Variants in OTUD7A observed in about 807,000 individuals in gnomAD.
The protein encoded by OTUD7A is OTU domain-containing protein 7A.
Under a neutral mutation model 65.7 loss-of-function variants are expected in OTUD7A, and 12 were observed. The ratio of observed to expected loss-of-function variants is 0.18; its 90% CI spans 0.12 to 0.30. The LOEUF is 0.30. Ranked by LOEUF, OTUD7A falls within the 10% of genes least tolerant of loss-of-function variation. The pLI is 1.00. For missense variants in OTUD7A, 1,148 were observed against 1,304.8 expected (o/e 0.88, Z 1.85); for synonymous variants, 641 against 586.3 (o/e 1.09, Z -1.35).
At chr15:31,506,647 C>T (rs1382271396) in intron 8 of OTUD7A, among the ~76,000 whole-genome samples, 1 of 152,106 alleles carries the variant, frequency 6.6e-6, no homozygotes, top group East Asian at 1.9e-4. Flanking sequence ...CATATATTTG[C>T]TTGGGGATGG....
intron 5 of OTUD7A, among the ~76,000 whole-genome samples, chr15:31,553,794 G>C (rs551483719): frequency 2.6e-5 from 4 of 151,818 alleles, no homozygotes; most frequent in African/African-American, 9.7e-5. Flanking sequence ...CCTGCCAGCC[G>C]TCTCTCTCTG....
At chr15:31,827,986 G>A (rs1896839299) in intron 1 of OTUD7A, among the ~76,000 whole-genome samples, 1 of 151,990 alleles carries the variant, frequency 6.6e-6, no homozygotes, top group Non-Finnish European at 1.5e-5. Flanking sequence ...TTCCTTTTGT[G>A]TGGTCCTATC....
intron 1 of OTUD7A, among the ~76,000 whole-genome samples, chr15:31,805,865 A>T (rs952373020): frequency 6.6e-6 from 1 of 152,198 alleles, no homozygotes; most frequent in African/African-American, 2.4e-5. Flanking sequence ...ATTAAAATGT[A>T]CTCTCAGCAA....
At chr15:31,619,007 C>G (rs568486888) in intron 3 of OTUD7A, among the ~76,000 whole-genome samples, 1 of 152,206 alleles carries the variant, frequency 6.6e-6, no homozygotes, top group African/African-American at 2.4e-5. Flanking sequence ...AGCCAGTTTT[C>G]CCAGCACCAT....
chr15:31,848,042 G>A (rs561000001), intron 1 of OTUD7A, among the ~76,000 whole-genome samples: 15 of 152,288 alleles, frequency 9.8e-5, no homozygotes, highest in African/African-American at 3.6e-4. Flanking sequence ...ATGAGATTGG[G>A]GAGGGGACAC....
intron 3 of OTUD7A, among the ~76,000 whole-genome samples, chr15:31,576,401 C>T (rs887879289): frequency 2.0e-5 from 3 of 152,140 alleles, no homozygotes; most frequent in African/African-American, 7.2e-5. Context: ...AGTGATTATT[C>T]CTCTACCTGC....
chr15:31,484,642 C>T lies in OTUD7A; in HGVS notation c.1454G>A (p.Arg485His), dbSNP rs1229177010. ...GTTAGAATTGCTGCACACCGAATCG[C>T]GGTCCGAGTCCAGCGAGTCGGCCAG... is the stretch of plus-strand genomic sequence containing the variant. ...QSLADSLDSD[R>H]DSVCSNSNSN... Residue 485 changes from arginine to histidine, a missense_variant, in exon 13 of 13, where the codon CGC becomes CAC. By Grantham distance (29) the Arg-to-His change is conservative. Transcript: ENST00000307050. The surrounding 1 kb of genome is among the most constrained non-coding windows in gnomAD (Gnocchi z 4.5). 11 of 1,587,280 alleles carry T rather than the reference C, an allele frequency of 6.9e-6. No individual in the cohort carries two copies. The Admixed American group carries it at 7.1e-5, about 10-fold the overall frequency.
Position 31,477,778 on chromosome 15 carries a change from T to C in OTUD7A, c.*5516A>G, listed in dbSNP as rs1369890777. On this transcript the variant is annotated 3_prime_UTR_variant, in exon 13 of 13. Coordinates refer to ENST00000307050, the MANE Select transcript of OTUD7A (RefSeq NM_001382637.1). ...TAAAAGTTCCTGCCCACATGGAGCT[T>C]ACAGTCTATGGGAGATGGGGAGGCG... The C allele has an allele frequency of 4.0e-5, 6 of 151,294 alleles. No individual in the cohort carries two copies. Among genetic ancestry groups the C allele is most frequent in the Non-Finnish European group, 8.8e-5 (6 of 67,970 alleles). The allele number at this position is 151,294 out of a possible 1,614,324, so 9.4% of individuals were successfully genotyped here. A position where few individuals can be genotyped will look rare whatever the true frequency, so the allele number is the denominator to read the frequency against.
chr15:31,512,873 T>G (rs1397196544), intron 8 of OTUD7A, among the ~76,000 whole-genome samples: 1 of 152,244 alleles, frequency 6.6e-6, no homozygotes, highest in Admixed American at 6.5e-5. Flanking sequence ...TTAAGAATGT[T>G]AGCACAGGTC....
chr15:31,552,209 A>C (rs1888347608), intron 5 of OTUD7A, among the ~76,000 whole-genome samples: 2 of 152,194 alleles, frequency 1.3e-5, no homozygotes, highest in Admixed American at 1.3e-4. Context: ...CTTCACCAGA[A>C]GCAGATGCTG....
At chr15:31,798,214 T>C (rs1415956563) in intron 1 of OTUD7A, among the ~76,000 whole-genome samples, 3 of 151,414 alleles carry the variant, frequency 2.0e-5, no homozygotes, top group Admixed American at 2.0e-4. Context: ...TGTGGGGGGG[T>C]GGGGGTCCCA....
At chr15:31,555,794 G>A (rs1344387118) in intron 5 of OTUD7A, among the ~76,000 whole-genome samples, 1 of 151,924 alleles carries the variant, frequency 6.6e-6, no homozygotes, top group East Asian at 1.9e-4. Flanking sequence ...CCCAGAGACT[G>A]CTTCACTCCT....
At chr15:31,812,660 C>G (rs1896449915) in intron 1 of OTUD7A, among the ~76,000 whole-genome samples, 2 of 152,142 alleles carry the variant, frequency 1.3e-5, no homozygotes, top group South Asian at 2.1e-4. Context: ...ATTCAAGAGA[C>G]AGAACACTCC....
At chr15:31,564,618 T>C (rs890507519) in intron 4 of OTUD7A, among the ~76,000 whole-genome samples, 7 of 152,052 alleles carry the variant, frequency 4.6e-5, no homozygotes, top group African/African-American at 1.7e-4. Flanking sequence ...TTTAATAGAA[T>C]AGCAGTAATT....
intron 1 of OTUD7A, among the ~76,000 whole-genome samples, chr15:31,837,195 T>C (rs942438152): frequency 6.6e-6 from 1 of 152,040 alleles, no homozygotes; most frequent in African/African-American, 2.4e-5. Context: ...GCAATGCCCA[T>C]ATGAAACAAA....
intron 1 of OTUD7A, among the ~76,000 whole-genome samples, chr15:31,784,346 A>G (rs892868618): frequency 6.6e-6 from 1 of 152,194 alleles, no homozygotes; most frequent in African/African-American, 2.4e-5. Context: ...TTCTCACACT[A>G]CAACTAAAAC....
At position 31,820,903 on chromosome 15, in the gene OTUD7A, G is replaced by C. The variant is rs186902481; in HGVS notation, c.-100+49604C>G. ...ACCATCGGCACAATCTAATTCTAGA[G>C]CATTTTCATCACCCTGAAAGAAACC... is the stretch of plus-strand genomic sequence containing the variant. On this transcript the variant is annotated intron_variant, in intron 1 of 12. Coordinates refer to ENST00000307050, the MANE Select transcript of OTUD7A (RefSeq NM_001382637.1). Among the ~76,000 whole-genome samples the C allele has an allele frequency of 8.0e-4, 121 of 152,020 alleles. 1 individual carries two copies. Among genetic ancestry groups the C allele is most frequent in the African/African-American group, 2.8e-3 (114 of 41,420 alleles).
chr15:31,561,715 C>G (rs1888694960), intron 4 of OTUD7A, among the ~76,000 whole-genome samples: 2 of 152,002 alleles, frequency 1.3e-5, no homozygotes, highest in African/African-American at 4.8e-5. Context: ...AATATATGCT[C>G]CTAATTCTAA....
intron 1 of OTUD7A, among the ~76,000 whole-genome samples, chr15:31,722,543 A>G (rs1435512090): frequency 6.6e-6 from 1 of 152,242 alleles, no homozygotes; most frequent in Admixed American, 6.5e-5. Context: ...GACAGTTTGC[A>G]TGGAATGGTG....
Sources: gnomAD v4.1 joint callset for allele counts (sites outside exome capture counted in the v4.1 genomes callset) on GRCh38, gnomAD v4.1.1 for gene constraint, Gnocchi (gnomAD v3.1) non-coding constraint, MANE v1.5 for transcripts, NCBI Gene and HGNC (gene_info 2026-07-23, HGNC 2026-07-21) for gene names.